The following KDM6B variants were observed in gnomAD, a reference collection of about 807,000 sequenced individuals.
KDM6B encodes the protein lysine-specific demethylase 6B.
KDM6B carries 22 observed loss-of-function variants against 150.4 expected under a neutral mutation model. The ratio of observed to expected loss-of-function variants is 0.15; its 90% CI spans 0.10 to 0.21. KDM6B has a LOEUF of 0.21. Among genes scored for constraint, KDM6B ranks in the 10% least tolerant of loss-of-function variants. KDM6B has a pLI of 1.00. For synonymous variants in KDM6B, 1,148 were observed against 921.1 expected, an observed-to-expected ratio of 1.25 and a Z score of -4.46; for missense variants, 1,984 against 2,234.3, an observed-to-expected ratio of 0.89 and a Z score of 2.26.
rs1053672073 is a variant in KDM6B, at chr17:7,844,658, G to A, written c.-268-243G>A. Among the ~76,000 whole-genome samples, 7 of 152,200 alleles carry A rather than the reference G, an allele frequency of 4.6e-5. No homozygotes were observed. Among genetic ancestry groups the A allele is most frequent in the African/African-American group, 1.7e-4 (7 of 41,454 alleles). On this transcript the variant is annotated intron_variant, in intron 2 of 23. Transcript: ENST00000448097. This position sits in a 1 kb window ranked among gnomAD's most constrained non-coding sequence, Gnocchi z 5.9. ...GCGGCTCTGGGTGCTTGAGGCTTGC[G>A]GGTAGCGCCGGCCCCCACGCCGGCC... is the stretch of plus-strand genomic sequence containing the variant.
intron 1 of KDM6B, among the ~76,000 whole-genome samples, chr17:7,836,120 C>G (rs910397843): frequency 1.3e-5 from 2 of 152,240 alleles, no homozygotes; most frequent in Non-Finnish European, 2.9e-5. Context: ...TTCTCCCGCC[C>G]GGGCCCAGCT....
rs1002377042 is a variant in KDM6B at position 7,854,232 on chromosome 17, A to G, written c.*711A>G. The G allele has an allele frequency of 6.9e-6, 1 of 145,676 alleles. No homozygotes were observed. The highest frequency in any genetic ancestry group is 1.5e-5 in the Non-Finnish European group (1 of 66,140). The allele number at this position is 145,676 out of a possible 1,614,324, so 9.0% of individuals were successfully genotyped here. The stretch of plus-strand genomic sequence containing the variant: ...GTCCGGGCCCGGCCCGACCGTCTCC[A>G]CCCGTCCGCCCGCGGCTCCAGCCGG... On this transcript the variant is annotated 3_prime_UTR_variant, in exon 24 of 24. Coordinates refer to ENST00000448097, the MANE Select transcript of KDM6B (RefSeq NM_001348716.2).
chr17:7,846,947 G>A lies in KDM6B; in HGVS notation c.840G>A (p.Gly280=). Residue 280 remains glycine, a synonymous_variant, in exon 10 of 24, where the codon GGG becomes GGA. Transcript: ENST00000448097. ...CCCCATTTCAGCTAACCAAGCCAGG[G>A]CTGTGGAGTACCCTGCATGGAGATG... ...TSPPFQLTKP[G]LWSTLHGDAW... 1 of 1,488,382 alleles carries A rather than the reference G, an allele frequency of 6.7e-7. No homozygotes were observed. Among genetic ancestry groups the A allele is most frequent in the Non-Finnish European group, 9.1e-7 (1 of 1,102,072 alleles). 92.2% of individuals were successfully genotyped at this position (1,488,382 alleles called of 1,614,324 possible). A position where few individuals can be genotyped will look rare whatever the true frequency, so the allele number is the denominator to read the frequency against.
Position 7,841,831 on chromosome 17 carries a change from G to A in KDM6B, c.-269+1807G>A, listed in dbSNP as rs1014031261. Among the ~76,000 whole-genome samples, 7 of 152,298 alleles carry A rather than the reference G, an allele frequency of 4.6e-5. No individual in the cohort carries two copies. The South Asian group carries it at 8.3e-4, about 18-fold the overall frequency. On this transcript the variant is annotated intron_variant, in intron 2 of 23. Coordinates refer to ENST00000448097, the MANE Select transcript of KDM6B (RefSeq NM_001348716.2). Reference sequence around the variant, plus strand: ...GGGGAAGGCTGGGGAAGGGAATCCCGGGCGGGCGGCCTGCCCGGGTGGCTG... The same window carrying A: ...GGGGAAGGCTGGGGAAGGGAATCCCAGGCGGGCGGCCTGCCCGGGTGGCTG...
intron 21 of KDM6B, 130 bp downstream of exon 21, chr17:7,852,766 G>A: frequency 1.4e-6 from 2 of 1,401,934 alleles, no homozygotes; most frequent in Admixed American, 1.8e-5. Flanking sequence ...TTACTGTGTT[G>A]GGGAGGCTAA....
intron 3 of KDM6B, 93 bp downstream of exon 3, chr17:7,845,113 T>C (rs1184645930): frequency 4.0e-6 from 1 of 252,118 alleles, no homozygotes; most frequent in African/African-American, 2.2e-5. Flanking sequence ...GCCTTTTGGT[T>C]CCCTGCCACA....
chr17:7,842,013 CG>C (rs1486544663), intron 2 of KDM6B, among the ~76,000 whole-genome samples: 1 of 152,192 alleles, frequency 6.6e-6, no homozygotes, highest in Non-Finnish European at 1.5e-5. Context: ...TCGGCGCGCG[CG>C]CAGCATGCCC....
Position 7,846,610 on chromosome 17 carries a change from G to A in KDM6B, c.581G>A (p.Gly194Asp). Residue 194 changes from glycine (G) to aspartate (D), a missense_variant, in exon 9 of 24, where the codon GGT (glycine) becomes GAT (aspartate). Around this residue, in one of 13 missense-constraint regions of KDM6B, gnomAD observed 337 missense variants for 323.9 expected, o/e 1.04. Transcript: ENST00000448097. ...CGGAACTATGGAGCCAAGCGGGGAG[G>A]TCCCCCGGTGAAGCGAGCTGCTGAA... The part of the protein sequence containing the change: ...HKRNYGAKRG[G>D]PPVKRAAEPP... 4 of 1,614,070 alleles carry A rather than the reference G, an allele frequency of 2.5e-6. No homozygotes were observed. Among genetic ancestry groups the A allele is most frequent in the Non-Finnish European group, 3.4e-6 (4 of 1,179,998 alleles).
In KDM6B at chr17:7,846,061, C is replaced by T. The variant is rs2078529017; in HGVS notation, c.237-17C>T. The T allele has an allele frequency of 3.2e-6, 5 of 1,563,224 alleles. No individual in the cohort carries two copies. The highest frequency in any genetic ancestry group is 1.2e-5 in the South Asian group (1 of 86,504). On this transcript the variant is annotated splice_polypyrimidine_tract_variant and intron_variant, in intron 6 of 23. Transcript: ENST00000448097. ...AGCCCAACCCCCACCCACACCCCCA[C>T]CCCTTCTGCTCTGTAGGGCGCCCAC...
At chr17:7,853,448 G>A in intron 23 of KDM6B, 50 bp from the exon 24 acceptor site, 1 of 1,521,208 alleles carries the variant, frequency 6.6e-7, no homozygotes, top group Non-Finnish European at 8.8e-7. Context: ...ACGGGCTTCG[G>A]GAGCCCGGCC....
rs764640899 is a variant in KDM6B, at chr17:7,846,799, C to T, written c.712-20C>T. 1.9e-5 allele frequency: 30 copies of T among 1,613,646 alleles called. No individual in the cohort carries two copies. The highest frequency in any genetic ancestry group is 2.3e-5 in the Non-Finnish European group (27 of 1,179,942). ...AGGCAGGACTTGGGAATGGGATTCTCACACTCTCTTCTCTCCTAGACTGGC... is the reference window on the plus strand; with the variant it reads ...AGGCAGGACTTGGGAATGGGATTCTTACACTCTCTTCTCTCCTAGACTGGC... On this transcript the variant is annotated intron_variant, in intron 9 of 23. Transcript: ENST00000448097.
intron 7 of KDM6B, 36 bp downstream of exon 7, chr17:7,846,333 C>G (rs527353257): frequency 6.3e-7 from 1 of 1,590,160 alleles, no homozygotes; most frequent in African/African-American, 1.3e-5. Flanking sequence ...CGGGATTGTA[C>G]GATTGTGCCT....
At chr17:7,845,828 A>G (rs1199638098) in intron 5 of KDM6B, 44 bp from the exon 6 acceptor site, 3 of 1,592,486 alleles carry the variant, frequency 1.9e-6, no homozygotes, top group South Asian at 2.2e-5. Context: ...GTAGGACAAG[A>G]CTGCTCCTTT....
chr17:7,840,885 G>A (rs1171738695), intron 2 of KDM6B, among the ~76,000 whole-genome samples: 3 of 152,176 alleles, frequency 2.0e-5, no homozygotes, highest in Non-Finnish European at 2.9e-5. Context: ...ATCCTCTAGA[G>A]GACGTGAGAC....
chr17:7,849,165 G>C lies in KDM6B; in HGVS notation c.2877G>C (p.Lys959Asn), dbSNP rs573996713. 7.4e-6 allele frequency: 12 copies of C among 1,610,890 alleles called. No individual in the cohort carries two copies. In the South Asian group the frequency reaches 1.3e-4, roughly 18 times the overall value. ...GACTGCTGCCCCCCGCACAGGCCAA[G>C]GAGGAGGCTGGCGGGGTGGCGGCAG... The part of the protein sequence containing the change: ...TERLLPPAQA[K>N]EEAGGVAAVS... The change falls in exon 12 of 24, where the codon AAG (lysine) becomes AAC (asparagine). Residue 959 changes from lysine to asparagine, a missense_variant. Lys to Asn is a moderately conservative substitution (Grantham distance 94). Around this residue, in one of 13 missense-constraint regions of KDM6B, gnomAD observed 1,379 missense variants for 1,275.6 expected, o/e 1.08. Transcript: ENST00000448097.
At position 7,851,483 on chromosome 17, in the gene KDM6B, C is replaced by T. The variant is rs1270786081; in HGVS notation, c.3950C>T (p.Ala1317Val). ...DSTTGTPPSS[A>V]PDPKNHHIIK... ...TGTGCTCTTCGCCCCAGCAGCAGCG[C>T]ACCAGACCCGAAGAACCATCACATC... is the stretch of plus-strand genomic sequence containing the variant. Residue 1317 changes from alanine (A) to valine (V), a missense_variant, in exon 17 of 24, where the codon GCA becomes GTA. Transcript: ENST00000448097. The T allele has an allele frequency of 6.2e-7, 1 of 1,614,210 alleles. No individual in the cohort carries two copies. Among genetic ancestry groups the T allele is most frequent in the Admixed American group, 1.7e-5 (1 of 60,024 alleles).
rs1283393317 is a variant in KDM6B at position 7,854,201 on chromosome 17, GTGTGTGTCCGGGCCCGGCC to G, written c.*681_*699del. On this transcript the variant is annotated 3_prime_UTR_variant, in exon 24 of 24. Transcript: ENST00000448097. ...GTCGCCGGGCTCTCCCCGCGCCCCAGTGTGTGTCCGGGCCCGGCCCGACCGTCTCCACCCGTCCGCCCGC... is the reference window on the plus strand; with the variant it reads ...GTCGCCGGGCTCTCCCCGCGCCCCAGCGACCGTCTCCACCCGTCCGCCCGC... 1.3e-5 allele frequency: 2 copies of G among 152,072 alleles called. No homozygotes were observed. The highest frequency in any genetic ancestry group is 4.8e-5 in the African/African-American group (2 of 41,288). 9.4% of individuals were successfully genotyped at this position (152,072 alleles called of 1,614,324 possible).
rs750376712 is a variant in KDM6B at position 7,846,416 on chromosome 17, T to C, written c.473T>C (p.Phe158Ser). 4.4e-6 allele frequency: 6 copies of C among 1,373,488 alleles called. No individual in the cohort carries two copies. The highest frequency in any genetic ancestry group is 1.1e-5 in the South Asian group (1 of 87,460). 85.1% of individuals were successfully genotyped at this position (1,373,488 alleles called of 1,614,324 possible). A position where few individuals can be genotyped will look rare whatever the true frequency, so the allele number is the denominator to read the frequency against. ...CACCCCCAGGCCCAGCTCTGGAACT[T>C]TCATACTGGCTCCTGCCAGCACCGA... Reference protein sequence around the residue: ...GRLQQAQLWNFHTGSCQHRAK... With the variant: ...GRLQQAQLWNSHTGSCQHRAK... Residue 158 changes from phenylalanine (F) to serine (S), a missense_variant, in exon 8 of 24, where the codon TTT becomes TCT. This residue lies in a region of KDM6B where 337 missense variants were observed against 323.9 expected (regional missense o/e 1.04). Coordinates refer to ENST00000448097, the MANE Select transcript of KDM6B (RefSeq NM_001348716.2).
At position 7,848,307 on chromosome 17, in the gene KDM6B, TC is replaced by T; in HGVS notation, c.2025del (p.Thr676LeufsTer24). ...PARGPRLFDF[P>X]PTPLEDQFEE... ...CCCGAGGCCCTCGACTCTTTGATTT[TC>T]CCCCCACTCCGCTGGAGGACCAGTT... On this transcript the variant is annotated frameshift_variant, in exon 12 of 24. Coordinates refer to ENST00000448097, the MANE Select transcript of KDM6B (RefSeq NM_001348716.2). LOFTEE classifies it high-confidence loss of function. 1 of 1,611,922 alleles carries T rather than the reference TC, an allele frequency of 6.2e-7. No homozygotes were observed.
Sources: allele counts gnomAD v4.1 joint callset (sites outside exome capture counted in the v4.1 genomes callset), GRCh38; gene constraint gnomAD v4.1.1; regional missense constraint gnomAD v4.1.1; non-coding constraint Gnocchi (gnomAD v3.1); transcripts MANE v1.5; gene names NCBI Gene and HGNC (gene_info 2026-07-23, HGNC 2026-07-21).